Variants in DCTN6 observed in about 807,000 individuals in gnomAD.
The protein encoded by DCTN6 is dynactin 6.
A neutral mutation model predicts 25.8 loss-of-function variants in DCTN6; 15 were observed. The observed-to-expected ratio is 0.58, with a 90% CI of 0.39 to 0.89. DCTN6 has a LOEUF of 0.89. Among genes scored for constraint, DCTN6 ranks in the 40% least tolerant of loss-of-function variants. The pLI, the probability that DCTN6 is intolerant of heterozygous loss-of-function variation, is 0.00. For missense variants in DCTN6, 198 were observed against 237.6 expected, an observed-to-expected ratio of 0.83 and a Z score of 1.09; for synonymous variants, 64 against 78.3, an observed-to-expected ratio of 0.82 and a Z score of 0.96.
At chr8:30,181,278 A>G (rs184874575) in intron 6 of DCTN6, among the ~76,000 whole-genome samples, 1 of 152,330 alleles carries the variant, frequency 6.6e-6, no homozygotes, top group East Asian at 1.9e-4. Context: ...CTCCTAAAAT[A>G]TCAGTCTTCA....
intron 2 of DCTN6, among the ~76,000 whole-genome samples, chr8:30,169,225 A>G (rs920489208): frequency 4.6e-5 from 7 of 152,240 alleles, no homozygotes; most frequent in African/African-American, 1.4e-4. Context: ...ATTATCACCT[A>G]TAAAGCACTC....
chr8:30,174,321 A>G (rs141537556), intron 2 of DCTN6, among the ~76,000 whole-genome samples: 125 of 150,954 alleles, frequency 8.3e-4, no homozygotes, highest in African/African-American at 3.0e-3. Context: ...CTGTCCACCC[A>G]TATTTCTCCT....
intron 2 of DCTN6, among the ~76,000 whole-genome samples, chr8:30,174,132 C>T (rs71521374): frequency 0.15 from 22,225 of 152,162 alleles, 1,921 homozygotes; most frequent in East Asian, 0.26. Context: ...CCAAAGTCCT[C>T]GGACTCCAGT....
At chr8:30,163,981 C>A in intron 1 of DCTN6, 130 bp from the exon 2 acceptor site, 3 of 748,534 alleles carry the variant, frequency 4.0e-6, no homozygotes, top group Non-Finnish European at 4.6e-6. Context: ...GGATTACAGG[C>A]GTGAGCCACT....
At chr8:30,170,109 G>A (rs942347508) in intron 2 of DCTN6, among the ~76,000 whole-genome samples, 2 of 151,552 alleles carry the variant, frequency 1.3e-5, no homozygotes, top group African/African-American at 4.9e-5. Context: ...GGAGGCGGAG[G>A]TTGCAGTGAA....
rs145581368 is a variant in DCTN6 at position 30,172,914 on chromosome 8, G to T, written c.89-2171G>T. ...TGTTATATATGCATATATATTTTTT[G>T]TTTGTTTTAAAGAAAAGGTTAGATG... On this transcript the variant is annotated intron_variant, in intron 2 of 6. Transcript: ENST00000221114. Among the ~76,000 whole-genome samples the T allele has an allele frequency of 1.0e-2, 1,517 of 151,970 alleles. 19 individuals carry two copies. The highest frequency in any genetic ancestry group is 0.065 in the South Asian group (310 of 4,802).
intron 1 of DCTN6, among the ~76,000 whole-genome samples, chr8:30,158,367 A>C (rs16876590): frequency 0.013 from 1,917 of 148,110 alleles, 40 homozygotes; most frequent in East Asian, 0.055. Context: ...ATATTTTAAC[A>C]AAAAAAACCC....
Position 30,175,099 on chromosome 8 carries a change from A to G in DCTN6, c.103A>G (p.Ile35Val). 1 of 1,614,150 alleles carries G rather than the reference A, an allele frequency of 6.2e-7. No homozygotes were observed. The highest frequency in any genetic ancestry group is 8.5e-7 in the Non-Finnish European group (1 of 1,180,016). The change falls in exon 3 of 7, where the codon ATC becomes GTC. Residue 35 changes from isoleucine (I) to valine (V), a missense_variant. Transcript: ENST00000221114. ...GDVTIGPRTVIHPKARIIAEA... is the reference protein window; with the variant it reads ...GDVTIGPRTVVHPKARIIAEA... The stretch of plus-strand genomic sequence containing the variant: ...ATTTTTAACAGGACCTCGGACAGTG[A>G]TCCACCCTAAAGCAAGAATTATTGC...
chr8:30,164,630 A>G (rs907324485), intron 2 of DCTN6, among the ~76,000 whole-genome samples: 4 of 152,092 alleles, frequency 2.6e-5, no homozygotes, highest in East Asian at 1.9e-4. Flanking sequence ...TGTTTTTCCC[A>G]TCTATATAAT....
chr8:30,183,224 G>T lies in DCTN6; in HGVS notation c.*51G>T. On this transcript the variant is annotated 3_prime_UTR_variant, in exon 7 of 7. Transcript: ENST00000221114. ...ATTTTGTCTTTGACCACTGTCTTTT[G>T]AATGGGCCCACAGTGTTTATGTACT... 7.0e-7 allele frequency: 1 copy of T among 1,437,506 alleles called. No homozygotes were observed. The highest frequency in any genetic ancestry group is 1.2e-5 in the South Asian group (1 of 86,624). 89.0% of individuals were successfully genotyped at this position (1,437,506 alleles called of 1,614,324 possible).
intron 1 of DCTN6, among the ~76,000 whole-genome samples, chr8:30,156,676 G>T (rs1390022884): frequency 6.7e-6 from 1 of 150,184 alleles, no homozygotes. Flanking sequence ...GGGGTCTCCC[G>T]GCCGGGAGGG....
chr8:30,156,652 G>A (rs770478787), intron 1 of DCTN6, among the ~76,000 whole-genome samples: 3 of 152,098 alleles, frequency 2.0e-5, no homozygotes, highest in Non-Finnish European at 4.4e-5. Flanking sequence ...CTCCCCACAT[G>A]CGCCTGCGCA....
intron 5 of DCTN6, among the ~76,000 whole-genome samples, chr8:30,180,101 A>G (rs1803892356): frequency 6.6e-6 from 1 of 152,240 alleles, no homozygotes; most frequent in Non-Finnish European, 1.5e-5. Context: ...ATTATCAATT[A>G]TCACTATTAT....
intron 1 of DCTN6, among the ~76,000 whole-genome samples, chr8:30,161,080 A>C (rs1803587829): frequency 6.6e-6 from 1 of 152,140 alleles, no homozygotes; most frequent in African/African-American, 2.4e-5. Context: ...AGGGACCCGT[A>C]ATCCAAGTGA....
At chr8:30,156,692 G>T (rs759945668) in intron 1 of DCTN6, among the ~76,000 whole-genome samples, 10 of 152,178 alleles carry the variant, frequency 6.6e-5, no homozygotes, top group Non-Finnish European at 1.2e-4. Flanking sequence ...GAGGGCGGGG[G>T]GGGCTGTGAG....
chr8:30,166,261 C>CT (rs956877820), intron 2 of DCTN6, among the ~76,000 whole-genome samples: 12 of 140,246 alleles, frequency 8.6e-5, no homozygotes, highest in Non-Finnish European at 1.6e-4. Flanking sequence ...TTTTTCTTTT[C>CT]TTTTTTTTTT....
chr8:30,162,336 C>T (rs1366290309), intron 1 of DCTN6, among the ~76,000 whole-genome samples: 1 of 152,120 alleles, frequency 6.6e-6, no homozygotes, highest in African/African-American at 2.4e-5. Context: ...AGTGATCCAC[C>T]CACCTTGGCC....
chr8:30,178,284 A>G (rs1016349703), intron 4 of DCTN6, among the ~76,000 whole-genome samples: 6 of 151,922 alleles, frequency 3.9e-5, no homozygotes, highest in Admixed American at 2.0e-4. Flanking sequence ...ACCAACGTGG[A>G]GAAACCCCGT....
intron 1 of DCTN6, among the ~76,000 whole-genome samples, chr8:30,159,763 CTT>C (rs35699156): frequency 2.2e-3 from 290 of 129,640 alleles, no homozygotes; most frequent in Middle Eastern, 3.8e-3. Context: ...GATTAGTTTT[CTT>C]TTTTTTTTTT....
Sources: allele counts gnomAD v4.1 joint callset (sites outside exome capture counted in the v4.1 genomes callset), GRCh38; gene constraint gnomAD v4.1.1; transcripts MANE v1.5; gene names NCBI Gene and HGNC (gene_info 2026-07-23, HGNC 2026-07-21).